Variants in BNC2 observed in about 807,000 individuals in gnomAD.
The protein encoded by BNC2 is zinc finger protein basonuclin-2.
A neutral mutation model predicts 76.3 loss-of-function variants in BNC2; 20 were observed. That is an observed-to-expected ratio of 0.26 (90% CI 0.18 to 0.38). The LOEUF is 0.38. Among genes scored for constraint, BNC2 ranks in the 10% least tolerant of loss-of-function variants. The probability of loss-of-function intolerance (pLI) is 1.00; values close to 1 mark genes in which losing one functional copy is unlikely to be tolerated. For synonymous variants in BNC2, 582 were observed against 514.8 expected, an observed-to-expected ratio of 1.13 and a Z score of -1.77; for missense variants, 1,382 against 1,399.8, an observed-to-expected ratio of 0.99 and a Z score of 0.20.
At chr9:16,868,942 G>C (rs1819609770) in intron 1 of BNC2, among the ~76,000 whole-genome samples, 1 of 152,194 alleles carries the variant, frequency 6.6e-6, no homozygotes, top group African/African-American at 2.4e-5. Flanking sequence ...CGTGTGGACA[G>C]TAACACGTGA....
At chr9:16,665,432 A>T (rs1822250626) in intron 3 of BNC2, among the ~76,000 whole-genome samples, 1 of 132,082 alleles carries the variant, frequency 7.6e-6, no homozygotes, top group South Asian at 2.6e-4. Context: ...AAGAAAGGAA[A>T]GAAAAGAAAG....
chr9:16,816,307 A>C (rs977218019), intron 1 of BNC2, among the ~76,000 whole-genome samples: 1 of 152,144 alleles, frequency 6.6e-6, no homozygotes, highest in African/African-American at 2.4e-5. Context: ...TTCCTGATTT[A>C]TGTGGGAAAT....
intron 1 of BNC2, among the ~76,000 whole-genome samples, chr9:16,763,581 A>G (rs571583460): frequency 1.3e-5 from 2 of 152,184 alleles, no homozygotes; most frequent in Admixed American, 1.3e-4. Flanking sequence ...AAAAAACAAA[A>G]AAAAACCATC....
intron 1 of BNC2, among the ~76,000 whole-genome samples, chr9:16,801,081 A>T (rs1817768283): frequency 6.6e-6 from 1 of 152,210 alleles, no homozygotes; most frequent in African/African-American, 2.4e-5. Flanking sequence ...AAGTATATAC[A>T]CTTCTAAACA....
At chr9:16,561,095 C>T (rs1311482819) in intron 4 of BNC2, among the ~76,000 whole-genome samples, 3 of 152,024 alleles carry the variant, frequency 2.0e-5, no homozygotes, top group Non-Finnish European at 2.9e-5. Context: ...AAAAATTAGC[C>T]AGGCATGGTG....
intron 2 of BNC2, among the ~76,000 whole-genome samples, chr9:16,732,005 G>A (rs1252530622): frequency 1.3e-5 from 2 of 152,054 alleles, no homozygotes; most frequent in South Asian, 2.1e-4. Flanking sequence ...AGACTATAGG[G>A]AGGCACAATG....
At chr9:16,666,079 A>G (rs957722497) in intron 3 of BNC2, among the ~76,000 whole-genome samples, 17 of 152,208 alleles carry the variant, frequency 1.1e-4, no homozygotes, top group African/African-American at 4.1e-4. Flanking sequence ...TACTTCATTG[A>G]CAACTACTTT....
At chr9:16,674,367 A>G (rs563759780) in intron 3 of BNC2, among the ~76,000 whole-genome samples, 1 of 152,284 alleles carries the variant, frequency 6.6e-6, no homozygotes, top group South Asian at 2.1e-4. Context: ...CTGAATCCAG[A>G]CCCACTTACA....
chr9:16,673,627 C>G (rs1283022322), intron 3 of BNC2, among the ~76,000 whole-genome samples: 1 of 152,060 alleles, frequency 6.6e-6, no homozygotes, highest in Non-Finnish European at 1.5e-5. Flanking sequence ...CTTCACAAGG[C>G]TAACCAGCCA....
chr9:16,531,175 G>A (rs1247942657), intron 5 of BNC2, among the ~76,000 whole-genome samples: 2 of 152,188 alleles, frequency 1.3e-5, no homozygotes, highest in Non-Finnish European at 2.9e-5. Flanking sequence ...TTGCAAGGAA[G>A]AAGGTAGAAA....
intron 5 of BNC2, among the ~76,000 whole-genome samples, chr9:16,477,548 G>A (rs1821952764): frequency 1.3e-5 from 2 of 152,080 alleles, no homozygotes; most frequent in South Asian, 4.1e-4. Context: ...TAAGCTTCCT[G>A]ACTTTAAATT....
At chr9:16,787,612 G>C (rs904640905) in intron 1 of BNC2, among the ~76,000 whole-genome samples, 12 of 152,102 alleles carry the variant, frequency 7.9e-5, no homozygotes, top group Non-Finnish European at 1.5e-5. Flanking sequence ...TTCTATATCC[G>C]GTACCTTTTG....
chr9:16,480,868 G>A (rs886134348), intron 5 of BNC2, among the ~76,000 whole-genome samples: 2 of 152,110 alleles, frequency 1.3e-5, no homozygotes, highest in Non-Finnish European at 2.9e-5. Flanking sequence ...CAGTCCCATC[G>A]ACCACCCAAG....
Position 16,419,296 on chromosome 9 carries a change from T to A in BNC2, c.2993A>T (p.Asp998Val). 1 of 1,614,016 alleles carries A rather than the reference T, an allele frequency of 6.2e-7. No individual in the cohort carries two copies. Among genetic ancestry groups the A allele is most frequent in the Non-Finnish European group, 8.5e-7 (1 of 1,179,920 alleles). ...ILLDDIDGASDSGESAHKAEA... is the reference protein window; with the variant it reads ...ILLDDIDGASVSGESAHKAEA... ...GGCCTTGTGTGCCGACTCCCCACTG[T>A]CACTCGCCCCGTCAATGTCATCGAG... Residue 998 changes from aspartate (D) to valine (V), a missense_variant, in exon 7 of 7, where the codon GAC becomes GTC. Asp to Val is a radical substitution (Grantham distance 152). Around this residue, in one of 3 missense-constraint regions of BNC2, gnomAD observed 798 missense variants for 775.5 expected, o/e 1.03. Coordinates refer to ENST00000380672, the MANE Select transcript of BNC2 (RefSeq NM_017637.6).
intron 3 of BNC2, among the ~76,000 whole-genome samples, chr9:16,621,531 C>G (rs1473868063): frequency 6.6e-6 from 1 of 152,142 alleles, no homozygotes; most frequent in Non-Finnish European, 1.5e-5. Flanking sequence ...TCTATTATAA[C>G]GACTTATATA....
chr9:16,788,516 G>A (rs1025204484), intron 1 of BNC2, among the ~76,000 whole-genome samples: 2 of 144,490 alleles, frequency 1.4e-5, no homozygotes, highest in Admixed American at 7.3e-5. Flanking sequence ...TGACGCCACT[G>A]CACTCCACCC....
chr9:16,784,219 G>A (rs1347707958), intron 1 of BNC2, among the ~76,000 whole-genome samples: 2 of 152,182 alleles, frequency 1.3e-5, no homozygotes, highest in Non-Finnish European at 2.9e-5. Context: ...CAATGTAGCA[G>A]GGAAGACAGC....
intron 1 of BNC2, among the ~76,000 whole-genome samples, chr9:16,781,265 T>C (rs975313361): frequency 2.4e-4 from 5 of 21,012 alleles, no homozygotes; most frequent in Non-Finnish European, 1.1e-4. Flanking sequence ...TGGACTGATA[T>C]TGGAGGCAGG....
At chr9:16,793,774 T>G (rs982173138) in intron 1 of BNC2, among the ~76,000 whole-genome samples, 2 of 146,508 alleles carry the variant, frequency 1.4e-5, no homozygotes, top group Non-Finnish European at 3.0e-5. Flanking sequence ...CACGCCATTC[T>G]CCTGCCTCAG....
Sources: gnomAD v4.1 joint callset for allele counts (sites outside exome capture counted in the v4.1 genomes callset) on GRCh38, gnomAD v4.1.1 for gene constraint, gnomAD v4.1.1 regional missense constraint, MANE v1.5 for transcripts, NCBI Gene and HGNC (gene_info 2026-07-23, HGNC 2026-07-21) for gene names.